Variants in DCAF6 observed in about 807,000 individuals in gnomAD.
DCAF6 encodes the protein DDB1- and CUL4-associated factor 6.
A neutral mutation model predicts 125.1 loss-of-function variants in DCAF6; 54 were observed. That is an observed-to-expected ratio of 0.43 (90% CI 0.35 to 0.54). The LOEUF (loss-of-function observed/expected upper bound fraction) is 0.54, where lower values mean the gene tolerates loss of function less well. Ranked by LOEUF, DCAF6 falls within the 20% of genes least tolerant of loss-of-function variation. The pLI, the probability that DCAF6 is intolerant of heterozygous loss-of-function variation, is 0.01. For synonymous variants in DCAF6, 371 were observed against 390.4 expected (o/e 0.95, Z 0.58); for missense variants, 934 against 1,161.7 (o/e 0.80, Z 2.85).
In DCAF6 at chr1:168,003,940, A is replaced by G; in HGVS notation, c.1068A>G (p.Ala356=). 1 of 1,612,470 alleles carries G rather than the reference A, an allele frequency of 6.2e-7. No homozygotes were observed. Among genetic ancestry groups the G allele is most frequent in the Non-Finnish European group, 8.5e-7 (1 of 1,179,276 alleles). Reference sequence around the variant, plus strand: ...TGTTATCAAGATGGTTTGAAGAAGCAAGTGAGGTTGCACAAAGCAATAGAG... The same window carrying G: ...TGTTATCAAGATGGTTTGAAGAAGCGAGTGAGGTTGCACAAAGCAATAGAG... ...SDMLSRWFEE[A]SEVAQSNRGR... Residue 356 remains alanine (A), a synonymous_variant, in exon 9 of 22, where the codon GCA becomes GCG. Coordinates refer to ENST00000367840, the MANE Select transcript of DCAF6 (RefSeq NM_001198956.2).
intron 16 of DCAF6, among the ~76,000 whole-genome samples, chr1:168,049,944 C>T (rs1205283645): frequency 1.1e-4 from 16 of 151,304 alleles, no homozygotes; most frequent in Middle Eastern, 3.5e-3. Context: ...CATGAGCCAC[C>T]GCACCCAGGC....
chr1:168,038,664 C>T (rs747392514), intron 13 of DCAF6, among the ~76,000 whole-genome samples, 176 bp downstream of exon 13: 1 of 152,024 alleles, frequency 6.6e-6, no homozygotes, highest in Admixed American at 6.6e-5. Context: ...TACTGGACCC[C>T]ACTCTCAGAA....
intron 12 of DCAF6, among the ~76,000 whole-genome samples, chr1:168,030,179 C>T (rs927852753): frequency 2.6e-5 from 4 of 152,076 alleles, no homozygotes; most frequent in African/African-American, 9.7e-5. Flanking sequence ...TAGCAGGGTT[C>T]AGTGTGGAAC....
At chr1:167,878,190 GTTTGGTTTGTACAACC>G in the DCAF6 span, among the ~76,000 whole-genome samples, 1 of 152,084 alleles carries the variant, frequency 6.6e-6, no homozygotes, top group African/African-American at 2.4e-5. Context: ...AGGATTTTTT[GTTTGGTTTGTACAACC>G]TTTGAAGAAT....
chr1:167,995,048 A>G (rs537756897), intron 7 of DCAF6, among the ~76,000 whole-genome samples: 1 of 152,226 alleles, frequency 6.6e-6, no homozygotes, highest in Admixed American at 6.5e-5. Flanking sequence ...GAAGAAGGGT[A>G]TGATGGCTAA....
intron 1 of DCAF6, among the ~76,000 whole-genome samples, chr1:167,940,288 T>C (rs915857686): frequency 6.6e-5 from 10 of 152,242 alleles, no homozygotes; most frequent in African/African-American, 2.4e-4. Flanking sequence ...AGTGTTGTTT[T>C]AGACTAGCAT....
intron 7 of DCAF6, among the ~76,000 whole-genome samples, chr1:167,995,991 G>A (rs1166571022): frequency 6.6e-6 from 1 of 152,184 alleles, no homozygotes; most frequent in Non-Finnish European, 1.5e-5. Flanking sequence ...ATAGAATTAT[G>A]TATAAGGACT....
chr1:168,044,797 A>C, intron 15 of DCAF6, 103 bp from the exon 16 acceptor site: 2 of 1,436,158 alleles, frequency 1.4e-6, no homozygotes, highest in Non-Finnish European at 1.9e-6. Context: ...TTATAGAGGA[A>C]TTAGACATCA....
Position 168,014,446 on chromosome 1 carries a change from A to G in DCAF6, c.1379-1335A>G, listed in dbSNP as rs148998563. 1.9e-4 allele frequency among the ~76,000 whole-genome samples: 29 copies of G among 152,310 alleles called. No individual in the cohort carries two copies. In the East Asian group the frequency reaches 4.4e-3, roughly 23 times the overall value. ...TCCTCTTAAACATTTGACTGCCTCAAGATTCAGTTCTTAGACCTCTTCTGT... is the reference window on the plus strand; with the variant it reads ...TCCTCTTAAACATTTGACTGCCTCAGGATTCAGTTCTTAGACCTCTTCTGT... On this transcript the variant is annotated intron_variant, in intron 10 of 21. Transcript: ENST00000367840.
At chr1:167,872,820 C>T in the DCAF6 span, among the ~76,000 whole-genome samples, 1 of 150,372 alleles carries the variant, frequency 6.7e-6, no homozygotes, top group Non-Finnish European at 1.5e-5. Flanking sequence ...GTCTGTAATC[C>T]CAGCACTTTG....
chr1:167,988,327 AT>A (rs566611636), intron 5 of DCAF6, among the ~76,000 whole-genome samples: 3 of 149,356 alleles, frequency 2.0e-5, no homozygotes, highest in African/African-American at 2.5e-5. Flanking sequence ...TGCTCAACTA[AT>A]TTTTTTTTTA....
At chr1:167,989,233 T>C (rs1026413834) in intron 5 of DCAF6, among the ~76,000 whole-genome samples, 6 of 152,220 alleles carry the variant, frequency 3.9e-5, no homozygotes, top group African/African-American at 1.4e-4. Flanking sequence ...TTGTTTGATA[T>C]ACCTGTTCCT....
chr1:167,948,939 A>G (rs1244250945), intron 1 of DCAF6, among the ~76,000 whole-genome samples: 1 of 152,214 alleles, frequency 6.6e-6, no homozygotes, highest in Admixed American at 6.5e-5. Context: ...GGTGTGAGCC[A>G]CCACGCACAG....
rs59674650 is a variant in DCAF6, at chr1:168,072,294, T to TAAAAAAAAAAAA, written c.2792-3057_2792-3046dup. Among the ~76,000 whole-genome samples, 54 of 41,004 alleles carry TAAAAAAAAAAAA rather than the reference T, an allele frequency of 1.3e-3. 1 individual carries two copies. The highest frequency in any genetic ancestry group is 2.8e-3 in the African/African-American group (34 of 12,226). The allele number at this position is 41,004 out of a possible 152,430, so 26.9% of individuals were successfully genotyped here. On this transcript the variant is annotated intron_variant, in intron 21 of 21. Transcript: ENST00000367840. The stretch of plus-strand genomic sequence containing the variant: ...CCTGGTGACAGAGGGAGAATCAGTC[T>TAAAAAAAAAAAA]AAAAAAAAAAAAAAAAAAAAAAAAA...
intron 16 of DCAF6, among the ~76,000 whole-genome samples, chr1:168,047,216 G>T (rs1391964632): frequency 6.6e-6 from 1 of 152,078 alleles, no homozygotes; most frequent in Non-Finnish European, 1.5e-5. Flanking sequence ...ATACTTAGAT[G>T]ATTTATATGT....
At chr1:168,035,894 C>T (rs1687743235) in intron 12 of DCAF6, among the ~76,000 whole-genome samples, 1 of 152,060 alleles carries the variant, frequency 6.6e-6, no homozygotes, top group Non-Finnish European at 1.5e-5. Context: ...GAAACCCCAT[C>T]TCTCCTAAAA....
In DCAF6 at chr1:168,038,225, C is replaced by G. The variant is rs1431164849; in HGVS notation, c.1610-146C>G. 4 of 599,234 alleles carry G rather than the reference C, an allele frequency of 6.7e-6. No homozygotes were observed. In the Admixed American group the frequency reaches 1.0e-4, roughly 15 times the overall value. 37.1% of individuals were successfully genotyped at this position (599,234 alleles called of 1,614,324 possible). On this transcript the variant is annotated intron_variant, in intron 12 of 21. Transcript: ENST00000367840. ...TAAAAGAGTATTTCCACAACACATG[C>G]CTTCAAACTTTAAATGAAACCCATA...
chr1:167,905,268 AT>A, the DCAF6 span: 22 of 1,224,524 alleles, frequency 1.8e-5, no homozygotes, highest in Non-Finnish European at 2.4e-5. Context: ...CTCTTTCTCC[AT>A]TTGTTTTGTT....
chr1:167,931,721 A>G (rs1670916723), upstream of DCAF6, among the ~76,000 whole-genome samples: 1 of 152,140 alleles, frequency 6.6e-6, no homozygotes, highest in Non-Finnish European at 1.5e-5. Context: ...TACATATAAT[A>G]GAACAATATA....
Sources: gnomAD v4.1 joint callset for allele counts (sites outside exome capture counted in the v4.1 genomes callset) on GRCh38, gnomAD v4.1.1 for gene constraint, MANE v1.5 for transcripts, NCBI Gene and HGNC (gene_info 2026-07-23, HGNC 2026-07-21) for gene names.